Variants in KMT5B observed in about 807,000 individuals in gnomAD.
KMT5B encodes lysine methyltransferase 5B.
In KMT5B, 10 loss-of-function variants were observed where a neutral mutation model predicts 83.2. The observed-to-expected ratio is 0.12, with a 90% CI of 0.07 to 0.20. The LOEUF (loss-of-function observed/expected upper bound fraction) is 0.20. Among genes scored for constraint, KMT5B ranks in the 10% least tolerant of loss-of-function variants. The probability of loss-of-function intolerance (pLI) is 1.00; values close to 1 mark genes in which losing one functional copy is unlikely to be tolerated. For missense variants in KMT5B, 753 were observed against 1,067.2 expected (o/e 0.71, Z 4.10); for synonymous variants, 349 against 388.8 (o/e 0.90, Z 1.20).
chr11:68,180,114 T>G lies in KMT5B; in HGVS notation c.377+18A>C, dbSNP rs1856769121. On this transcript the variant is annotated intron_variant, in intron 4 of 10. Transcript: ENST00000304363. ...TGGGTTAGTCAGTATCTCATTGTTT[T>G]TAACACACACTACCTACCTCACAGG... 1.9e-6 allele frequency: 3 copies of G among 1,574,990 alleles called. No individual in the cohort carries two copies. The highest frequency in any genetic ancestry group is 2.6e-6 in the Non-Finnish European group (3 of 1,155,388).
chr11:68,174,014 G>C, intron 5 of KMT5B, 101 bp from the exon 6 acceptor site: 2 of 802,724 alleles, frequency 2.5e-6, no homozygotes, highest in Non-Finnish European at 4.2e-6. Flanking sequence ...TGAAAAAAAT[G>C]TAAGATCTAG....
At chr11:68,174,846 GT>G (rs1252149030) in intron 5 of KMT5B, among the ~76,000 whole-genome samples, 171 bp downstream of exon 5, 1 of 152,092 alleles carries the variant, frequency 6.6e-6, no homozygotes, top group African/African-American at 2.4e-5. Context: ...GCCTGGCCCA[GT>G]TTTTTCTCTG....
At chr11:68,174,018 G>T in intron 5 of KMT5B, 105 bp from the exon 6 acceptor site, 2 of 785,754 alleles carry the variant, frequency 2.5e-6, no homozygotes, top group Non-Finnish European at 2.2e-6. Flanking sequence ...AAAAATGTAA[G>T]ATCTAGCCTG....
At chr11:68,173,198 G>A (rs894209720) in intron 6 of KMT5B, among the ~76,000 whole-genome samples, 15 of 151,896 alleles carry the variant, frequency 9.9e-5, no homozygotes, top group Admixed American at 5.2e-4. Flanking sequence ...GTGCTACCAC[G>A]CCCAGCTAAT....
chr11:68,174,388 G>T (rs773119127), intron 5 of KMT5B, among the ~76,000 whole-genome samples: 1 of 152,264 alleles, frequency 6.6e-6, no homozygotes, highest in African/African-American at 2.4e-5. Flanking sequence ...TCCTTTGAGT[G>T]TCAGGTCGGT....
chr11:68,198,480 GACAAGACAAGAC>G (rs1264863774), intron 1 of KMT5B, among the ~76,000 whole-genome samples: 1 of 131,068 alleles, frequency 7.6e-6, no homozygotes, highest in African/African-American at 3.2e-5. Flanking sequence ...GACAAGACAA[GACAAGACAAGAC>G]AAGACAGGGC....
chr11:68,202,120 T>C (rs978964418), intron 1 of KMT5B, among the ~76,000 whole-genome samples: 1 of 152,134 alleles, frequency 6.6e-6, no homozygotes, highest in African/African-American at 2.4e-5. Context: ...CATAAATCTT[T>C]ATTTAGAAAG....
chr11:68,181,075 CTTTTTTTT>C (rs71461690), intron 3 of KMT5B, among the ~76,000 whole-genome samples: 1 of 143,686 alleles, frequency 7.0e-6, no homozygotes, highest in Non-Finnish European at 1.5e-5. Flanking sequence ...TTTCTTTTTT[CTTTTTTTT>C]TTTTTTTTGG....
intron 1 of KMT5B, among the ~76,000 whole-genome samples, chr11:68,197,436 A>G (rs1858860419): frequency 6.6e-6 from 1 of 152,236 alleles, no homozygotes; most frequent in Admixed American, 6.5e-5. Flanking sequence ...ATGTTAGGGC[A>G]AAGAATAGAT....
chr11:68,211,407 T>C (rs1860878578), intron 1 of KMT5B, among the ~76,000 whole-genome samples: 2 of 152,212 alleles, frequency 1.3e-5, no homozygotes, highest in Admixed American at 1.3e-4. Flanking sequence ...TACCCTACTC[T>C]CTTATTGAAG....
intron 10 of KMT5B, chr11:68,166,131 A>G: frequency 7.0e-7 from 1 of 1,430,364 alleles, no homozygotes; most frequent in Non-Finnish European, 9.1e-7. Flanking sequence ...TGTCTCTCTC[A>G]GAGACAAGTG....
At chr11:68,204,400 G>C (rs935242914) in intron 1 of KMT5B, among the ~76,000 whole-genome samples, 6 of 152,144 alleles carry the variant, frequency 3.9e-5, no homozygotes, top group Admixed American at 3.3e-4. Context: ...GACTTTATAA[G>C]AGGCAGAGGG....
intron 1 of KMT5B, among the ~76,000 whole-genome samples, chr11:68,196,823 G>A (rs1858776170): frequency 6.6e-6 from 1 of 152,064 alleles, no homozygotes; most frequent in African/African-American, 2.4e-5. Context: ...GAATGCCTGT[G>A]TTTAACACAC....
rs1859189963 is a variant in KMT5B at position 68,154,886 on chromosome 11, A to G, written c.*2802T>C. On this transcript the variant is annotated 3_prime_UTR_variant, in exon 11 of 11. Coordinates refer to ENST00000304363, the MANE Select transcript of KMT5B (RefSeq NM_017635.5). The stretch of plus-strand genomic sequence containing the variant: ...AATTGTTTTAATTTCCGAATTTATT[A>G]AAATGATTAACCTCAATACTGCAAG... The G allele has an allele frequency of 6.6e-6, 1 of 152,206 alleles. No individual in the cohort carries two copies. Among genetic ancestry groups the G allele is most frequent in the Non-Finnish European group, 1.5e-5 (1 of 68,038 alleles). 9.4% of individuals were successfully genotyped at this position (152,206 alleles called of 1,614,324 possible).
intron 5 of KMT5B, 49 bp from the exon 6 acceptor site, chr11:68,173,962 C>T: frequency 8.0e-7 from 1 of 1,251,214 alleles, no homozygotes; most frequent in Non-Finnish European, 1.2e-6. Context: ...GTATACCCTG[C>T]TAGACTTTCT....
intron 5 of KMT5B, among the ~76,000 whole-genome samples, 184 bp downstream of exon 5, chr11:68,174,834 G>A (rs541587173): frequency 1.3e-5 from 2 of 152,270 alleles, no homozygotes; most frequent in East Asian, 1.9e-4. Flanking sequence ...ATGAGCCACT[G>A]AGCCTGGCCC....
At position 68,155,061 on chromosome 11, in the gene KMT5B, G is replaced by C. The variant is rs1038369598; in HGVS notation, c.*2627C>G. The C allele has an allele frequency of 3.9e-5, 6 of 152,164 alleles. No individual in the cohort carries two copies. Among genetic ancestry groups the C allele is most frequent in the African/African-American group, 1.4e-4 (6 of 41,440 alleles). The allele number at this position is 152,164 out of a possible 1,614,324, so 9.4% of individuals were successfully genotyped here. ...AACTCAGCAAAAACAATTTATAACA[G>C]TAATTTGAAAATGATTGAAAATTGA... On this transcript the variant is annotated 3_prime_UTR_variant, in exon 11 of 11. Coordinates refer to ENST00000304363, the MANE Select transcript of KMT5B (RefSeq NM_017635.5).
chr11:68,211,662 G>C (rs1042596404), intron 1 of KMT5B, among the ~76,000 whole-genome samples: 1 of 152,224 alleles, frequency 6.6e-6, no homozygotes, highest in African/African-American at 2.4e-5. Context: ...GGCTGTGTGT[G>C]TGAAGGTTTC....
intron 10 of KMT5B, chr11:68,165,797 T>G: frequency 6.4e-7 from 1 of 1,574,330 alleles, no homozygotes. Context: ...ACTCTGGACA[T>G]TAACGAAAAA....
Sources: gnomAD v4.1 joint callset for allele counts (sites outside exome capture counted in the v4.1 genomes callset) on GRCh38, gnomAD v4.1.1 for gene constraint, MANE v1.5 for transcripts, NCBI Gene and HGNC (gene_info 2026-07-23, HGNC 2026-07-21) for gene names.